Variants in RBFOX1 observed in about 807,000 individuals in gnomAD.
RBFOX1 encodes the protein RNA binding fox-1 homolog 1.
Under a neutral mutation model 57.7 loss-of-function variants are expected in RBFOX1, and 8 were observed. The observed-to-expected ratio is 0.14, with a 90% CI of 0.08 to 0.25. The LOEUF (loss-of-function observed/expected upper bound fraction) is 0.25, where lower values mean the gene tolerates loss of function less well. Ranked by LOEUF, RBFOX1 falls within the 10% of genes least tolerant of loss-of-function variation. The pLI, the probability that RBFOX1 is intolerant of heterozygous loss-of-function variation, is 1.00. For synonymous variants in RBFOX1, 326 were observed against 222.4 expected, an observed-to-expected ratio of 1.47 and a Z score of -4.15; for missense variants, 611 against 548.5, an observed-to-expected ratio of 1.11 and a Z score of -1.14.
intron 2 of RBFOX1, among the ~76,000 whole-genome samples, chr16:6,331,576 G>C (rs751538926): frequency 7.2e-6 from 1 of 138,288 alleles, no homozygotes; most frequent in Non-Finnish European, 1.5e-5. Flanking sequence ...ATATGTGTGT[G>C]TGTATATATA....
At chr16:6,530,078 C>A (rs1406630483) in intron 2 of RBFOX1, among the ~76,000 whole-genome samples, 1 of 152,128 alleles carries the variant, frequency 6.6e-6, no homozygotes, top group Non-Finnish European at 1.5e-5. Context: ...CTTTTCTTCC[C>A]TTGTCAGTCA....
At chr16:5,955,019 C>A (rs1463338732) in intron 4 of RBFOX1, among the ~76,000 whole-genome samples, 1 of 147,362 alleles carries the variant, frequency 6.8e-6, no homozygotes, top group African/African-American at 2.5e-5. Context: ...GGCAGCTCAT[C>A]CTTGTAATCC....
intron 2 of RBFOX1, among the ~76,000 whole-genome samples, chr16:5,521,175 T>A (rs994553475): frequency 2.0e-5 from 3 of 152,166 alleles, no homozygotes; most frequent in African/African-American, 4.8e-5. Flanking sequence ...CATTCCTCCC[T>A]GAGATGAGGA....
At chr16:5,803,944 T>C (rs2055145176) in intron 3 of RBFOX1, among the ~76,000 whole-genome samples, 1 of 152,218 alleles carries the variant, frequency 6.6e-6, no homozygotes, top group Admixed American at 6.5e-5. Flanking sequence ...TCCATCCCAA[T>C]TCATGCCCTT....
chr16:7,528,897 A>G (rs1421214081), intron 5 of RBFOX1, among the ~76,000 whole-genome samples: 2 of 152,218 alleles, frequency 1.3e-5, no homozygotes. Context: ...TAGAGCTGGG[A>G]GAGCCAAAGA....
chr16:5,745,651 G>A (rs1291333851), intron 3 of RBFOX1, among the ~76,000 whole-genome samples: 4 of 152,126 alleles, frequency 2.6e-5, no homozygotes, highest in Non-Finnish European at 5.9e-5. Flanking sequence ...GGTGTGAGAT[G>A]GTATCTCATT....
chr16:5,719,404 G>C lies in RBFOX1; in HGVS notation c.318+120443G>C, dbSNP rs546142378. Among the ~76,000 whole-genome samples the C allele has an allele frequency of 4.0e-5, 6 of 151,398 alleles. 1 individual carries two copies. In the South Asian group the frequency reaches 1.3e-3, roughly 32 times the overall value. On this transcript the variant is annotated intron_variant, in intron 3 of 19. Transcript: ENST00000641259. ...TTTTTGTATTTTTAGTAGACACGGG[G>C]TTTCACCATGTTCGCCAGGATGGTC...
chr16:5,575,565 C>T (rs568293369), intron 2 of RBFOX1, among the ~76,000 whole-genome samples: 9 of 152,302 alleles, frequency 5.9e-5, no homozygotes, highest in East Asian at 5.8e-4. Flanking sequence ...TCCTACCTGA[C>T]GGAAGTGAAC....
At chr16:6,419,409 G>A (rs930100502) in intron 2 of RBFOX1, among the ~76,000 whole-genome samples, 1 of 152,160 alleles carries the variant, frequency 6.6e-6, no homozygotes, top group Non-Finnish European at 1.5e-5. Context: ...CATCACTCAC[G>A]TGTGTCTCTA....
At chr16:5,476,799 C>G (rs2069340694) in intron 2 of RBFOX1, among the ~76,000 whole-genome samples, 1 of 152,178 alleles carries the variant, frequency 6.6e-6, no homozygotes, top group Admixed American at 6.5e-5. Context: ...CTTCTATTTT[C>G]TGGGCAGAAA....
At chr16:6,273,238 A>C (rs2075405244) in intron 1 of RBFOX1, among the ~76,000 whole-genome samples, 1 of 151,274 alleles carries the variant, frequency 6.6e-6, no homozygotes, top group Non-Finnish European at 1.5e-5. Context: ...CAGCCTGGGC[A>C]GCAGAGTGAG....
chr16:6,737,751 A>C (rs115965832), intron 3 of RBFOX1, among the ~76,000 whole-genome samples: 7 of 152,348 alleles, frequency 4.6e-5, no homozygotes, highest in African/African-American at 1.7e-4. Context: ...TGGGATTTAA[A>C]TAATAGTCCA....
At chr16:5,559,028 G>T (rs2045786608) in intron 2 of RBFOX1, among the ~76,000 whole-genome samples, 2 of 152,206 alleles carry the variant, frequency 1.3e-5, no homozygotes, top group East Asian at 3.9e-4. Flanking sequence ...AACCATAGCA[G>T]TTATGCTCAC....
At chr16:5,914,672 G>A (rs530330435) in intron 4 of RBFOX1, among the ~76,000 whole-genome samples, 86 of 152,100 alleles carry the variant, frequency 5.7e-4, no homozygotes, top group Non-Finnish European at 8.7e-4. Flanking sequence ...CCAGGCGGGC[G>A]GATCACGAGG....
At chr16:6,767,935 T>TAAGAAGAAGAAG (rs1423679473) in intron 3 of RBFOX1, among the ~76,000 whole-genome samples, 36 of 93,232 alleles carry the variant, frequency 3.9e-4, no homozygotes, top group African/African-American at 1.4e-3. Flanking sequence ...ATAATAATAA[T>TAAGAAGAAGAAG]AATAATAATA....
At chr16:6,478,325 C>T (rs1468875853) in intron 2 of RBFOX1, among the ~76,000 whole-genome samples, 1 of 135,536 alleles carries the variant, frequency 7.4e-6, no homozygotes, top group African/African-American at 2.8e-5. Context: ...CAGGTTCAAG[C>T]GATTCTCCTG....
At chr16:5,930,851 T>C (rs1441513305) in intron 4 of RBFOX1, among the ~76,000 whole-genome samples, 4 of 143,146 alleles carry the variant, frequency 2.8e-5, no homozygotes, top group East Asian at 2.1e-4. Context: ...GATTCACCGA[T>C]GGATGCATGG....
chr16:6,358,501 A>G (rs1324727669), intron 2 of RBFOX1, among the ~76,000 whole-genome samples: 1 of 152,216 alleles, frequency 6.6e-6, no homozygotes. Context: ...AATCCCATAG[A>G]TAAAGATCCA....
intron 2 of RBFOX1, among the ~76,000 whole-genome samples, chr16:6,498,655 C>T (rs1488406382): frequency 6.6e-6 from 1 of 152,260 alleles, no homozygotes; most frequent in South Asian, 2.1e-4. Flanking sequence ...ATATTAAGGA[C>T]TTCGATAAGG....
Sources: allele counts gnomAD v4.1 joint callset (sites outside exome capture counted in the v4.1 genomes callset), GRCh38; gene constraint gnomAD v4.1.1; transcripts MANE v1.5; gene names NCBI Gene and HGNC (gene_info 2026-07-23, HGNC 2026-07-21).